KTN1: variants seen among roughly 807,000 people sequenced by gnomAD.
KTN1 encodes the protein kinectin.
A neutral mutation model predicts 222.5 loss-of-function variants in KTN1; 130 were observed. The observed-to-expected ratio is 0.58, with a 90% CI of 0.51 to 0.68. KTN1 has a LOEUF of 0.68. KTN1 is among the 30% of genes least tolerant of loss of function. KTN1 has a pLI of 0.00. For missense variants in KTN1, 1,508 were observed against 1,500.4 expected, an observed-to-expected ratio of 1.01 and a Z score of -0.08; for synonymous variants, 512 against 496.3, an observed-to-expected ratio of 1.03 and a Z score of -0.42.
chr14:55,631,338 G>GTTTA (rs2040482381), intron 7 of KTN1, among the ~76,000 whole-genome samples: 1 of 54,610 alleles, frequency 1.8e-5, no homozygotes, highest in Non-Finnish European at 3.5e-5. Context: ...TATTGATAAG[G>GTTTA]TTGATATATA....
At chr14:55,585,462 ATTTCT>A (rs1485942932) in intron 1 of KTN1, among the ~76,000 whole-genome samples, 17 of 152,284 alleles carry the variant, frequency 1.1e-4, no homozygotes, top group Non-Finnish European at 2.2e-4. Flanking sequence ...ATTTTTACTG[ATTTCT>A]TTTCTTAAAA....
chr14:55,639,091 A>T, intron 12 of KTN1, 94 bp from the exon 13 acceptor site: 2 of 796,940 alleles, frequency 2.5e-6, no homozygotes, highest in Non-Finnish European at 4.2e-6. Context: ...TATATACATT[A>T]ACTTCTCTTA....
intron 41 of KTN1, among the ~76,000 whole-genome samples, chr14:55,676,220 T>C (rs2045881338): frequency 6.6e-6 from 1 of 152,170 alleles, no homozygotes; most frequent in South Asian, 2.1e-4. Flanking sequence ...TTTTTAAAAT[T>C]GGGATTTGGC....
chr14:55,588,021 C>T (rs1248779544), intron 1 of KTN1, among the ~76,000 whole-genome samples: 1 of 152,028 alleles, frequency 6.6e-6, no homozygotes, highest in Admixed American at 6.6e-5. Context: ...GACCTTTGGA[C>T]AATGTGGGAA....
intron 15 of KTN1, 104 bp downstream of exon 15, chr14:55,640,546 A>G: frequency 2.7e-6 from 2 of 751,302 alleles, no homozygotes; most frequent in Non-Finnish European, 4.4e-6. Context: ...AGTAAAAAAT[A>G]TAATGGTTTA....
chr14:55,622,140 C>T (rs554048569), intron 5 of KTN1, among the ~76,000 whole-genome samples: 6 of 152,264 alleles, frequency 3.9e-5, no homozygotes, highest in African/African-American at 1.4e-4. Flanking sequence ...AGCCACCGTG[C>T]CCGGCCAGAT....
intron 7 of KTN1, among the ~76,000 whole-genome samples, chr14:55,632,129 C>G (rs889641271): frequency 6.6e-6 from 1 of 152,178 alleles, no homozygotes; most frequent in African/African-American, 2.4e-5. Context: ...CTTCTCATCC[C>G]CCAGCAATTT....
At chr14:55,658,680 T>G (rs2043773994) in intron 30 of KTN1, 66 bp downstream of exon 30, 1 of 879,602 alleles carries the variant, frequency 1.1e-6, no homozygotes, top group African/African-American at 1.7e-5. Flanking sequence ...CAGTGACATA[T>G]GAGTATTTTT....
At chr14:55,681,155 CCTG>C (rs1182364227) in intron 43 of KTN1, 5 of 156,216 alleles carry the variant, frequency 3.2e-5, no homozygotes, top group South Asian at 1.9e-4. Flanking sequence ...GGCTTTTCTT[CCTG>C]CTATTTCAAT....
chr14:55,682,864 T>A (rs533742818), intron 43 of KTN1: 1 of 152,310 alleles, frequency 6.6e-6, no homozygotes, highest in South Asian at 2.1e-4. Flanking sequence ...CTTTTTATTT[T>A]TTTTTGGCCA....
chr14:55,600,572 G>C (rs75232282), intron 1 of KTN1, among the ~76,000 whole-genome samples: 11,672 of 152,228 alleles, frequency 0.077, 494 homozygotes, highest in South Asian at 0.11. Context: ...GCTGCCTGTT[G>C]AGCTGGGTCT....
At chr14:55,609,686 A>G (rs994783169) in intron 1 of KTN1, among the ~76,000 whole-genome samples, 2 of 152,144 alleles carry the variant, frequency 1.3e-5, no homozygotes, top group Non-Finnish European at 2.9e-5. Flanking sequence ...AGGTTTGTAC[A>G]GGGCTGCAGC....
At chr14:55,588,375 C>T (rs2033455413) in intron 1 of KTN1, among the ~76,000 whole-genome samples, 1 of 152,132 alleles carries the variant, frequency 6.6e-6, no homozygotes, top group African/African-American at 2.4e-5. Context: ...AGTAATTCAA[C>T]TTTTCCTTGT....
At chr14:55,593,172 C>G (rs1387044950) in intron 1 of KTN1, among the ~76,000 whole-genome samples, 1 of 151,378 alleles carries the variant, frequency 6.6e-6, no homozygotes, top group African/African-American at 2.4e-5. Flanking sequence ...TGTTTGGCAA[C>G]CCTTTTGCTA....
chr14:55,677,587 TAG>T (rs1440715753), intron 41 of KTN1, among the ~76,000 whole-genome samples: 2 of 152,118 alleles, frequency 1.3e-5, no homozygotes, highest in East Asian at 3.8e-4. Flanking sequence ...ACATAATATG[TAG>T]AGAGGGATCT....
At chr14:55,653,250 A>C (rs922033574) in intron 27 of KTN1, among the ~76,000 whole-genome samples, 165 bp downstream of exon 27, 1 of 152,164 alleles carries the variant, frequency 6.6e-6, no homozygotes, top group African/African-American at 2.4e-5. Flanking sequence ...TATTTCTGGC[A>C]AGTCATACTT....
intron 32 of KTN1, 135 bp downstream of exon 32, chr14:55,661,747 T>C (rs980887106): frequency 2.1e-6 from 1 of 471,300 alleles, no homozygotes; most frequent in Non-Finnish European, 3.8e-6. Flanking sequence ...TTTCTGTGTG[T>C]AGTTTTTTCG....
chr14:55,648,857 A>C lies in KTN1; in HGVS notation c.2354A>C (p.Lys785Thr). The change falls in exon 21 of 44, where the codon AAG becomes ACG. Residue 785 changes from lysine (K) to threonine (T), a missense_variant. Transcript: ENST00000395314. Reference protein sequence around the residue: ...LTKEVQDLKAKQNDQVSFASL... With the variant: ...LTKEVQDLKATQNDQVSFASL... ...AAAGAAGTTCAAGACTTAAAAGCTA[A>C]GCAAAATGATCAGGTAATGTAAATT... 6.3e-7 allele frequency: 1 copy of C among 1,591,778 alleles called. No homozygotes were observed. Among genetic ancestry groups the C allele is most frequent in the Non-Finnish European group, 8.6e-7 (1 of 1,161,488 alleles).
At chr14:55,587,200 AT>A (rs1398411226) in intron 1 of KTN1, among the ~76,000 whole-genome samples, 1 of 152,134 alleles carries the variant, frequency 6.6e-6, no homozygotes, top group East Asian at 1.9e-4. Flanking sequence ...ATTGGGACTC[AT>A]TGAGTCTTTT....
Sources: allele counts gnomAD v4.1 joint callset (sites outside exome capture counted in the v4.1 genomes callset), GRCh38; gene constraint gnomAD v4.1.1; transcripts MANE v1.5; gene names NCBI Gene and HGNC (gene_info 2026-07-23, HGNC 2026-07-21).